The following SETD4 variants were observed in gnomAD, a reference collection of about 807,000 sequenced individuals.
SETD4 encodes the protein SET domain containing 4.
A neutral mutation model predicts 58.3 loss-of-function variants in SETD4; 46 were observed. The ratio of observed to expected loss-of-function variants is 0.79; its 90% confidence interval spans 0.62 to 1.01. The LOEUF is 1.01. SETD4 is among the 50% of genes least tolerant of loss of function. The probability of loss-of-function intolerance (pLI) is 0.00; values close to 1 mark genes in which losing one functional copy is unlikely to be tolerated. For synonymous variants in SETD4, 190 were observed against 202.6 expected (o/e 0.94, Z 0.53); for missense variants, 490 against 523.3 (o/e 0.94, Z 0.62).
At chr21:36,048,129 A>C (rs1319067458) in intron 5 of SETD4, among the ~76,000 whole-genome samples, 179 bp downstream of exon 5, 1 of 151,356 alleles carries the variant, frequency 6.6e-6, no homozygotes, top group Non-Finnish European at 1.5e-5. Flanking sequence ...GGCAGGCAGG[A>C]AGGCAGGGAG....
intron 5 of SETD4, among the ~76,000 whole-genome samples, chr21:36,048,083 AGGAG>A (rs1206371187): frequency 6.4e-4 from 38 of 58,948 alleles, no homozygotes; most frequent in East Asian, 8.8e-4. Context: ...GAAGGAGGGA[AGGAG>A]GGAGGGAGGG....
intron 5 of SETD4, among the ~76,000 whole-genome samples, chr21:36,046,684 G>A (rs1279724766): frequency 6.6e-6 from 1 of 152,180 alleles, no homozygotes; most frequent in East Asian, 1.9e-4. Context: ...TTATTCCTAA[G>A]TTTACCTGCT....
At chr21:36,060,048 T>C in intron 1 of SETD4, 3 of 985,490 alleles carry the variant, frequency 3.0e-6, no homozygotes, top group Non-Finnish European at 3.6e-6. Context: ...CGTGAGGCCG[T>C]CCTACGGTCC....
chr21:36,054,168 G>A (rs1007104951), intron 3 of SETD4, among the ~76,000 whole-genome samples: 3 of 152,220 alleles, frequency 2.0e-5, no homozygotes, highest in Admixed American at 1.3e-4. Flanking sequence ...GAGCTCAGCT[G>A]GGTAGGTCAG....
At chr21:36,051,893 G>A (rs1215453259) in intron 4 of SETD4, among the ~76,000 whole-genome samples, 5 of 151,938 alleles carry the variant, frequency 3.3e-5, no homozygotes, top group Non-Finnish European at 7.4e-5. Context: ...AAATCTTGAG[G>A]GGCTCTTTTA....
chr21:36,040,709 T>G, intron 8 of SETD4, 54 bp from the exon 9 acceptor site: 1 of 1,486,962 alleles, frequency 6.7e-7, no homozygotes, highest in Non-Finnish European at 9.4e-7. Flanking sequence ...TTTCATGACC[T>G]CATAGCAAAT....
intron 9 of SETD4, among the ~76,000 whole-genome samples, chr21:36,039,629 T>C (rs2063949839): frequency 6.6e-6 from 1 of 152,218 alleles, no homozygotes; most frequent in South Asian, 2.1e-4. Flanking sequence ...CTAGGTACGT[T>C]TGCATGCACC....
intron 4 of SETD4, chr21:36,051,465 A>G (rs2064682895): frequency 2.9e-6 from 4 of 1,384,646 alleles, no homozygotes; most frequent in East Asian, 5.1e-5. Context: ...AATGCTGTTC[A>G]TGGAGGATGC....
intron 7 of SETD4, chr21:36,042,910 T>A (rs1301971558): frequency 1.3e-5 from 2 of 152,228 alleles, no homozygotes; most frequent in East Asian, 3.9e-4. Context: ...AAGACCAGCC[T>A]GGGCAACATA....
chr21:36,048,067 G>GGGAA (rs1555871604), intron 5 of SETD4, among the ~76,000 whole-genome samples: 1 of 144,778 alleles, frequency 6.9e-6, no homozygotes, highest in African/African-American at 2.6e-5. Context: ...GAGGGAGGGA[G>GGGAA]GGAGGGAAGG....
Position 36,058,970 on chromosome 21 carries a change from C to A in SETD4, c.-36-46G>T, listed in dbSNP as rs2065134620. 1.1e-5 allele frequency: 16 copies of A among 1,476,460 alleles called. No individual in the cohort carries two copies. In the South Asian group the frequency reaches 2.2e-4, roughly 20 times the overall value. 91.5% of individuals were successfully genotyped at this position (1,476,460 alleles called of 1,614,324 possible). The stretch of plus-strand genomic sequence containing the variant: ...AAACTGTAATTTCTGTGGAAATGCT[C>A]AATCTAAAATAAAAAACATTTCTTT... On this transcript the variant is annotated intron_variant, in intron 1 of 11. Coordinates refer to ENST00000332131, the MANE Select transcript of SETD4 (RefSeq NM_017438.5).
At chr21:36,050,873 T>C (rs775208784) in intron 4 of SETD4, 31 of 1,610,898 alleles carry the variant, frequency 1.9e-5, no homozygotes, top group Admixed American at 8.3e-5. Context: ...CCATGTTACA[T>C]TGTTCAACAG....
At chr21:36,039,055 G>T (rs547505318) in intron 9 of SETD4, among the ~76,000 whole-genome samples, 286 of 152,180 alleles carry the variant, frequency 1.9e-3, no homozygotes, top group African/African-American at 6.6e-3. Flanking sequence ...ATTAGATTCA[G>T]AACAGCTGGC....
chr21:36,055,001 TC>T (rs1335818583), intron 3 of SETD4, among the ~76,000 whole-genome samples: 3 of 152,228 alleles, frequency 2.0e-5, no homozygotes, highest in Admixed American at 2.0e-4. Flanking sequence ...TCCCAATTCA[TC>T]TCCCCTCCCA....
At chr21:36,041,265 C>A (rs1369935894) in intron 8 of SETD4, among the ~76,000 whole-genome samples, 1 of 147,458 alleles carries the variant, frequency 6.8e-6, no homozygotes, top group South Asian at 2.3e-4. Context: ...CGCTTAAGAA[C>A]TGGAACTACC....
At chr21:36,048,274 C>T (rs2064451904) in intron 5 of SETD4, 34 bp downstream of exon 5, 3 of 1,580,798 alleles carry the variant, frequency 1.9e-6, no homozygotes, top group Non-Finnish European at 2.6e-6. Flanking sequence ...AGGAGAAGCA[C>T]TTGCACCAGG....
intron 9 of SETD4, among the ~76,000 whole-genome samples, chr21:36,038,918 G>A (rs1296195343): frequency 2.0e-5 from 3 of 152,124 alleles, no homozygotes; most frequent in Non-Finnish European, 4.4e-5. Flanking sequence ...GCCAGACCTA[G>A]ACACTAGAAA....
chr21:36,043,585 A>G (rs34616949), intron 7 of SETD4, 197 bp downstream of exon 7: 23 of 1,398,030 alleles, frequency 1.6e-5, no homozygotes, highest in African/African-American at 2.9e-5. Context: ...TCAAAATATC[A>G]GTCAAAACTT....
At chr21:36,048,754 G>A (rs1395898379) in intron 4 of SETD4, among the ~76,000 whole-genome samples, 1 of 40,948 alleles carries the variant, frequency 2.4e-5, no homozygotes, top group Non-Finnish European at 4.9e-5. Flanking sequence ...TTTTGCTCTT[G>A]TCTCCCAGGC....
Sources: allele counts gnomAD v4.1 joint callset (sites outside exome capture counted in the v4.1 genomes callset), GRCh38; gene constraint gnomAD v4.1.1; transcripts MANE v1.5; gene names NCBI Gene and HGNC (gene_info 2026-07-23, HGNC 2026-07-21).